The following WDFY3 variants were observed in gnomAD, a reference collection of about 807,000 sequenced individuals.
WDFY3 encodes WD repeat and FYVE domain-containing protein 3.
Under a neutral mutation model 409.6 loss-of-function variants are expected in WDFY3, and 66 were observed. That is an observed-to-expected ratio of 0.16 (90% CI 0.13 to 0.20). The LOEUF is 0.20. WDFY3 is among the 10% of genes least tolerant of loss of function. WDFY3 has a pLI of 1.00. For missense variants in WDFY3, 3,031 were observed against 4,298.1 expected, an observed-to-expected ratio of 0.71 and a Z score of 8.24; for synonymous variants, 1,521 against 1,537.1, an observed-to-expected ratio of 0.99 and a Z score of 0.25.
At chr4:84,954,921 G>A (rs970744781) in intron 1 of WDFY3, among the ~76,000 whole-genome samples, 35 of 152,120 alleles carry the variant, frequency 2.3e-4, no homozygotes, top group African/African-American at 8.2e-4. Flanking sequence ...AAAGCTCCCA[G>A]TGGCCAGGCA....
At position 84,831,408 on chromosome 4, in the gene WDFY3, T is replaced by A. The variant is rs757705221; in HGVS notation, c.769+5A>T. The A allele has an allele frequency of 6.4e-7, 1 of 1,566,850 alleles. No homozygotes were observed. The highest frequency in any genetic ancestry group is 8.7e-7 in the Non-Finnish European group (1 of 1,155,960). On this transcript the variant is annotated splice_donor_5th_base_variant and intron_variant, in intron 8 of 67. Coordinates refer to ENST00000295888, the MANE Select transcript of WDFY3 (RefSeq NM_014991.6). ...GAACACTTAAATATATAAAGAGATA[T>A]TCACCATGAATATACTTCACTACAT...
At chr4:84,755,731 A>G (rs186464517) in intron 33 of WDFY3, among the ~76,000 whole-genome samples, 4 of 152,350 alleles carry the variant, frequency 2.6e-5, no homozygotes, top group Admixed American at 2.0e-4. Flanking sequence ...AATAAATTTA[A>G]GCAAGATCTT....
At chr4:84,793,267 G>C (rs1748819401) in intron 21 of WDFY3, among the ~76,000 whole-genome samples, 1 of 151,962 alleles carries the variant, frequency 6.6e-6, no homozygotes. Context: ...CAAACTCATG[G>C]GCTTCACCAA....
intron 2 of WDFY3, among the ~76,000 whole-genome samples, chr4:84,898,056 T>G (rs1027139474): frequency 2.0e-5 from 3 of 152,208 alleles, no homozygotes; most frequent in Non-Finnish European, 4.4e-5. Flanking sequence ...GAGCCTAAGC[T>G]GGCAGCCACT....
At chr4:84,735,421 G>A (rs766429311) in intron 42 of WDFY3, among the ~76,000 whole-genome samples, 5 of 152,132 alleles carry the variant, frequency 3.3e-5, no homozygotes, top group South Asian at 2.1e-4. Context: ...CACATCCAAC[G>A]ATCTAGGGGT....
At chr4:84,905,602 C>A (rs1256983953) in intron 2 of WDFY3, among the ~76,000 whole-genome samples, 1 of 152,164 alleles carries the variant, frequency 6.6e-6, no homozygotes, top group Non-Finnish European at 1.5e-5. Context: ...TATTTTCCTG[C>A]TTTCTCTCCT....
At chr4:84,810,518 C>G (rs1387742413) in intron 13 of WDFY3, 174 bp from the exon 14 acceptor site, 2 of 528,480 alleles carry the variant, frequency 3.8e-6, no homozygotes, top group Admixed American at 7.6e-5. Context: ...AAAAAAGCCA[C>G]ATTAAATGCT....
At chr4:84,923,895 G>T (rs1769629086) in intron 2 of WDFY3, among the ~76,000 whole-genome samples, 1 of 152,186 alleles carries the variant, frequency 6.6e-6, no homozygotes, top group African/African-American at 2.4e-5. Context: ...GCTATTCGGG[G>T]AGGCTGAGGT....
chr4:84,783,190 A>T (rs1291994795), intron 24 of WDFY3, 116 bp from the exon 25 acceptor site: 12 of 946,596 alleles, frequency 1.3e-5, no homozygotes, highest in Admixed American at 2.5e-5. Flanking sequence ...CCCTTATCAG[A>T]ATACTGAAAA....
At chr4:84,814,269 C>T (rs914657874) in intron 13 of WDFY3, among the ~76,000 whole-genome samples, 9 of 152,110 alleles carry the variant, frequency 5.9e-5, no homozygotes, top group Non-Finnish European at 1.3e-4. Flanking sequence ...AACAAACTAC[C>T]AACTATTCTT....
chr4:84,679,204 C>T lies in WDFY3; in HGVS notation c.9862G>A (p.Ala3288Thr). ...TCCTGGCTGATGCTCTGCTCATCTG[C>T]TTCTGAATCACTGCTGTCCTCGTCT... The part of the protein sequence containing the change: ...AQDEDSSDSE[A>T]DEQSISQDPK... The change falls in exon 65 of 68, where the codon GCA becomes ACA. Residue 3288 changes from alanine (A) to threonine (T), a missense_variant. By Grantham distance (58) the Ala-to-Thr change is moderately conservative. Around this residue, in one of 16 missense-constraint regions of WDFY3, gnomAD observed 378 missense variants for 477.3 expected, o/e 0.79. Transcript: ENST00000295888. 6.3e-7 allele frequency: 1 copy of T among 1,590,020 alleles called. No individual in the cohort carries two copies. Among genetic ancestry groups the T allele is most frequent in the Middle Eastern group, 1.7e-4 (1 of 5,978 alleles).
intron 51 of WDFY3, among the ~76,000 whole-genome samples, chr4:84,712,279 T>G (rs2149010388): frequency 6.6e-6 from 1 of 150,666 alleles, no homozygotes; most frequent in South Asian, 2.1e-4. Context: ...TGAGAATCGC[T>G]TGAGCCCAGG....
At chr4:84,954,164 A>C (rs1773960459) in intron 1 of WDFY3, among the ~76,000 whole-genome samples, 1 of 152,206 alleles carries the variant, frequency 6.6e-6, no homozygotes, top group South Asian at 2.1e-4. Context: ...ACATCACTTG[A>C]GAGTCTATTT....
At position 84,670,797 on chromosome 4, in the gene WDFY3, C is replaced by T. The variant is rs574914098; in HGVS notation, c.*2071G>A. 1.3e-5 allele frequency: 2 copies of T among 152,526 alleles called. No individual in the cohort carries two copies. Among genetic ancestry groups the T allele is most frequent in the South Asian group, 2.1e-4 (1 of 4,818 alleles). 9.4% of individuals were successfully genotyped at this position (152,526 alleles called of 1,614,324 possible). ...TAGAGGGCCAGACAGGGGCAAGGCCCACAGTTACATAATAGCACAATTTCT... is the reference window on the plus strand; with the variant it reads ...TAGAGGGCCAGACAGGGGCAAGGCCTACAGTTACATAATAGCACAATTTCT... On this transcript the variant is annotated 3_prime_UTR_variant, in exon 68 of 68. Coordinates refer to ENST00000295888, the MANE Select transcript of WDFY3 (RefSeq NM_014991.6).
At chr4:84,903,775 G>A (rs1443707316) in intron 2 of WDFY3, among the ~76,000 whole-genome samples, 1 of 152,164 alleles carries the variant, frequency 6.6e-6, no homozygotes, top group Non-Finnish European at 1.5e-5. Flanking sequence ...AACAATATCT[G>A]AAATATATGA....
intron 47 of WDFY3, among the ~76,000 whole-genome samples, chr4:84,719,708 C>A (rs1450325478): frequency 6.6e-6 from 1 of 152,046 alleles, no homozygotes; most frequent in Admixed American, 6.6e-5. Flanking sequence ...CACACACACA[C>A]AAAATGTTTA....
chr4:84,860,322 T>C (rs1199713142), intron 4 of WDFY3, 90 bp downstream of exon 4: 2 of 1,398,122 alleles, frequency 1.4e-6, no homozygotes, highest in African/African-American at 1.4e-5. Flanking sequence ...CAGCCTATCA[T>C]TTTTTTCTAC....
chr4:84,932,817 T>C (rs1252518200), intron 1 of WDFY3, among the ~76,000 whole-genome samples: 5 of 152,216 alleles, frequency 3.3e-5, no homozygotes, highest in Admixed American at 6.5e-5. Flanking sequence ...TAGAGCTGAA[T>C]TGATTTGTTC....
chr4:84,843,194 A>C (rs1332590059), intron 5 of WDFY3, among the ~76,000 whole-genome samples: 1 of 152,230 alleles, frequency 6.6e-6, no homozygotes, highest in African/African-American at 2.4e-5. Flanking sequence ...ATAGCTAGTC[A>C]GTGAAAGAGA....
Sources: gnomAD v4.1 joint callset for allele counts (sites outside exome capture counted in the v4.1 genomes callset) on GRCh38, gnomAD v4.1.1 for gene constraint, gnomAD v4.1.1 regional missense constraint, MANE v1.5 for transcripts, NCBI Gene and HGNC (gene_info 2026-07-23, HGNC 2026-07-21) for gene names.